The following ASIC2 variants were observed in gnomAD, a reference collection of about 807,000 sequenced individuals.
ASIC2 encodes the protein acid sensing ion channel subunit 2.
A neutral mutation model predicts 57.3 loss-of-function variants in ASIC2; 25 were observed. The ratio of observed to expected loss-of-function variants is 0.44; its 90% CI spans 0.32 to 0.61. The LOEUF (loss-of-function observed/expected upper bound fraction) is 0.61, where lower values mean the gene tolerates loss of function less well. ASIC2 is among the 20% of genes least tolerant of loss of function. The probability of loss-of-function intolerance (pLI) is 0.06; values close to 1 mark genes in which losing one functional copy is unlikely to be tolerated. For synonymous variants in ASIC2, 319 were observed against 307.5 expected, an observed-to-expected ratio of 1.04 and a Z score of -0.39; for missense variants, 641 against 738.1, an observed-to-expected ratio of 0.87 and a Z score of 1.52.
chr17:34,041,668 G>T (rs11080246), intron 1 of ASIC2, among the ~76,000 whole-genome samples: 14,400 of 152,212 alleles, frequency 0.095, 926 homozygotes, highest in South Asian at 0.19. Context: ...AACCAAGTTA[G>T]TTCTTCCCCC....
chr17:33,583,964 G>A (rs1904531340), intron 1 of ASIC2, among the ~76,000 whole-genome samples: 1 of 152,168 alleles, frequency 6.6e-6, no homozygotes, highest in East Asian at 1.9e-4. Flanking sequence ...GGGTGGGGAT[G>A]AGCAAGCCTC....
At chr17:33,675,810 G>A (rs2142054292) in intron 1 of ASIC2, among the ~76,000 whole-genome samples, 1 of 152,314 alleles carries the variant, frequency 6.6e-6, no homozygotes, top group Non-Finnish European at 1.5e-5. Context: ...GGGCTCAAGT[G>A]ATCCACCCAC....
chr17:33,480,717 C>G (rs1383217232), intron 1 of ASIC2, among the ~76,000 whole-genome samples: 1 of 152,114 alleles, frequency 6.6e-6, no homozygotes, highest in African/African-American at 2.4e-5. Flanking sequence ...ATTCTGGCTC[C>G]TTATCCCCAC....
At chr17:33,825,978 T>C (rs1174524908) in intron 1 of ASIC2, among the ~76,000 whole-genome samples, 1 of 152,186 alleles carries the variant, frequency 6.6e-6, no homozygotes, top group East Asian at 1.9e-4. Flanking sequence ...TTGAGGCAAT[T>C]TAAACAACTC....
intron 1 of ASIC2, among the ~76,000 whole-genome samples, chr17:33,340,850 G>A (rs900195149): frequency 2.0e-5 from 3 of 152,118 alleles, no homozygotes; most frequent in African/African-American, 4.8e-5. Context: ...TGAGGCCTGC[G>A]AGGTGTCCAG....
intron 1 of ASIC2, chr17:34,038,826 T>C (rs1907990016): frequency 4.3e-6 from 7 of 1,612,246 alleles, no homozygotes; most frequent in Non-Finnish European, 5.9e-6. Flanking sequence ...GCCTGACCCA[T>C]GGCAGGAGGT....
intron 1 of ASIC2, among the ~76,000 whole-genome samples, chr17:33,200,621 T>C (rs1004720064): frequency 6.6e-6 from 1 of 152,248 alleles, no homozygotes; most frequent in African/African-American, 2.4e-5. Flanking sequence ...TGTGATTCTG[T>C]TGGCTCTAGC....
chr17:33,529,397 T>C (rs1367215132), intron 1 of ASIC2, among the ~76,000 whole-genome samples: 2 of 152,154 alleles, frequency 1.3e-5, no homozygotes, highest in Non-Finnish European at 2.9e-5. Context: ...CGTTTCTTCA[T>C]GTGTGCTCCC....
chr17:33,739,939 AAGAAAGAAAAGAAAAAAG>A (rs369244969), intron 1 of ASIC2, among the ~76,000 whole-genome samples: 2,661 of 143,838 alleles, frequency 0.018, 93 homozygotes, highest in African/African-American at 0.06. Flanking sequence ...AAAAAAGAGA[AAGAAAGAAAAGAAAAAAG>A]AGAAAGAAAA....
At chr17:34,018,766 T>A (rs1021952025) in intron 1 of ASIC2, among the ~76,000 whole-genome samples, 3 of 152,242 alleles carry the variant, frequency 2.0e-5, no homozygotes, top group Admixed American at 2.0e-4. Flanking sequence ...GAGCTTGAAA[T>A]GACATCTTTC....
intron 1 of ASIC2, among the ~76,000 whole-genome samples, chr17:33,828,769 G>A (rs149860939): frequency 3.3e-5 from 5 of 152,170 alleles, no homozygotes; most frequent in African/African-American, 1.2e-4. Context: ...CATAATGTAG[G>A]TGAACACAAT....
In ASIC2 at chr17:33,550,247, G is replaced by A. The variant is rs574540264; in HGVS notation, c.556-438180C>T. ...TATGGAGGAGTGCAAATACCGGAACGATCTCAAGCAGTGTTGTTCTAAAGT... is the reference window on the plus strand; with the variant it reads ...TATGGAGGAGTGCAAATACCGGAACAATCTCAAGCAGTGTTGTTCTAAAGT... On this transcript the variant is annotated intron_variant, in intron 1 of 9. Coordinates refer to the ASIC2 transcript ENST00000359872. Among the ~76,000 whole-genome samples the A allele has an allele frequency of 7.9e-5, 12 of 152,310 alleles. 1 individual carries two copies. The South Asian group carries it at 2.5e-3, about 32-fold the overall frequency.
At chr17:33,574,032 TCTCA>T in intron 1 of ASIC2, among the ~76,000 whole-genome samples, 1 of 152,328 alleles carries the variant, frequency 6.6e-6, no homozygotes, top group South Asian at 2.1e-4. Context: ...GTTTCTAATC[TCTCA>T]CTACCAGAGT....
At chr17:33,667,374 C>T (rs575021876) in intron 1 of ASIC2, among the ~76,000 whole-genome samples, 1 of 152,180 alleles carries the variant, frequency 6.6e-6, no homozygotes, top group Non-Finnish European at 1.5e-5. Flanking sequence ...TAAGCAGAAA[C>T]ACCCACACAA....
At chr17:33,365,318 AGTATTGTATTT>A (rs1397402429) in intron 1 of ASIC2, among the ~76,000 whole-genome samples, 2 of 151,868 alleles carry the variant, frequency 1.3e-5, no homozygotes, top group Non-Finnish European at 2.9e-5. Flanking sequence ...ATGCTGCATA[AGTATTGTATTT>A]GTTATCTGCC....
chr17:34,140,874 C>G (rs1441300163), intron 1 of ASIC2, among the ~76,000 whole-genome samples: 1 of 151,972 alleles, frequency 6.6e-6, no homozygotes, highest in Non-Finnish European at 1.5e-5. Context: ...ATAATTCAAG[C>G]AAGAGAAATC....
At chr17:34,056,647 T>C (rs1159085085) in intron 1 of ASIC2, among the ~76,000 whole-genome samples, 1 of 152,146 alleles carries the variant, frequency 6.6e-6, no homozygotes, top group Non-Finnish European at 1.5e-5. Flanking sequence ...TAATTAATAA[T>C]ACAGACAGAA....
intron 1 of ASIC2, among the ~76,000 whole-genome samples, chr17:33,423,192 T>C (rs574022207): frequency 6.6e-6 from 1 of 152,338 alleles, no homozygotes; most frequent in South Asian, 2.1e-4. Flanking sequence ...CCTTGAGAGA[T>C]ACTGATGTAA....
In ASIC2 at chr17:33,824,203, A is replaced by T. The variant is rs557304548; in HGVS notation, c.555+331775T>A. 5.3e-5 allele frequency among the ~76,000 whole-genome samples: 8 copies of T among 152,274 alleles called. No individual in the cohort carries two copies. In the South Asian group the frequency reaches 1.7e-3, roughly 32 times the overall value. On this transcript the variant is annotated intron_variant, in intron 1 of 9. Coordinates refer to the ASIC2 transcript ENST00000359872. ...GATAAAGGGTATTATTTTTACTCCG[A>T]ATGCCCAGGCGGGCCTATATACTAA... is the stretch of plus-strand genomic sequence containing the variant.
Sources: allele counts gnomAD v4.1 joint callset (sites outside exome capture counted in the v4.1 genomes callset), GRCh38; gene constraint gnomAD v4.1.1; transcripts MANE v1.5; gene names NCBI Gene and HGNC (gene_info 2026-07-23, HGNC 2026-07-21).